The following BTBD9 variants were observed in gnomAD, a reference collection of about 807,000 sequenced individuals.
BTBD9 encodes the protein BTB/POZ domain-containing protein 9.
BTBD9 carries 49 observed loss-of-function variants against 64.3 expected under a neutral mutation model. The ratio of observed to expected loss-of-function variants is 0.76; its 90% CI spans 0.61 to 0.97. BTBD9 has a LOEUF of 0.97. Ranked by LOEUF, BTBD9 falls within the 50% of genes least tolerant of loss-of-function variation. The pLI, the probability that BTBD9 is intolerant of heterozygous loss-of-function variation, is 0.00. For synonymous variants in BTBD9, 260 were observed against 274.7 expected (o/e 0.95, Z 0.53); for missense variants, 598 against 762.1 (o/e 0.78, Z 2.53).
chr6:38,535,340 T>G (rs992015975), intron 6 of BTBD9, among the ~76,000 whole-genome samples: 11 of 152,110 alleles, frequency 7.2e-5, no homozygotes, highest in Admixed American at 3.3e-4. Context: ...AAAACATTGA[T>G]GCAAGAAATT....
rs1777032776 is a variant in BTBD9 at position 38,596,450 on chromosome 6, A to G, written c.185+1460T>C. ...TTTCAAATTATTTTTGAAAGAGGAC[A>G]AGGTACACTGTACTAATAAACAATA... On this transcript the variant is annotated intron_variant, in intron 2 of 10. Transcript: ENST00000481247. 2.0e-5 allele frequency among the ~76,000 whole-genome samples: 3 copies of G among 152,332 alleles called. No individual in the cohort carries two copies. The South Asian group carries it at 6.2e-4, about 32-fold the overall frequency.
intron 7 of BTBD9, among the ~76,000 whole-genome samples, chr6:38,290,018 A>C (rs1237784635): frequency 2.0e-5 from 3 of 152,034 alleles, no homozygotes; most frequent in African/African-American, 7.3e-5. Context: ...ATTGGAAAAG[A>C]AAAAAGTAAT....
At chr6:38,261,916 C>T (rs899284353) in intron 8 of BTBD9, among the ~76,000 whole-genome samples, 2 of 152,212 alleles carry the variant, frequency 1.3e-5, no homozygotes, top group Admixed American at 6.5e-5. Flanking sequence ...GGACTTCTAA[C>T]TCATGCCTAG....
chr6:38,237,971 C>G (rs899651310), intron 9 of BTBD9, among the ~76,000 whole-genome samples: 1 of 152,074 alleles, frequency 6.6e-6, no homozygotes, highest in African/African-American at 2.4e-5. Flanking sequence ...GTCCCTGTCT[C>G]TATTTAAAAA....
chr6:38,274,522 T>C lies in BTBD9; in HGVS notation c.1454+13750A>G, dbSNP rs551304592. 2.0e-5 allele frequency among the ~76,000 whole-genome samples: 3 copies of C among 152,322 alleles called. No individual in the cohort carries two copies. The South Asian group carries it at 6.2e-4, about 32-fold the overall frequency. Reference sequence around the variant, plus strand: ...TATGATATTGGCTGTGGGTTTGTCATAGATAGCTCTTATTATTTTGAGATG... The same window carrying C: ...TATGATATTGGCTGTGGGTTTGTCACAGATAGCTCTTATTATTTTGAGATG... On this transcript the variant is annotated intron_variant, in intron 8 of 10. Transcript: ENST00000481247.
intron 9 of BTBD9, among the ~76,000 whole-genome samples, chr6:38,201,702 A>T (rs558099014): frequency 6.6e-6 from 1 of 152,354 alleles, no homozygotes; most frequent in East Asian, 1.9e-4. Flanking sequence ...AAAGGATTCC[A>T]CCCAAAAACT....
chr6:38,584,455 A>G (rs1396208791), intron 4 of BTBD9, among the ~76,000 whole-genome samples: 2 of 152,238 alleles, frequency 1.3e-5, no homozygotes, highest in East Asian at 3.8e-4. Flanking sequence ...TATTAGAAGG[A>G]AAAATTAAGG....
intron 1 of BTBD9, among the ~76,000 whole-genome samples, chr6:38,600,402 C>A (rs1777199807): frequency 6.6e-6 from 1 of 152,200 alleles, no homozygotes; most frequent in Admixed American, 6.5e-5. Flanking sequence ...GTACCCTAGG[C>A]AAAGGATCAG....
At chr6:38,504,503 A>T in intron 6 of BTBD9, 1 of 456,574 alleles carries the variant, frequency 2.2e-6, no homozygotes, top group Admixed American at 2.3e-5. Flanking sequence ...CCTTTTGAGG[A>T]CTTTGCACTG....
chr6:38,509,753 A>T (rs932850504), intron 6 of BTBD9, among the ~76,000 whole-genome samples: 1 of 152,216 alleles, frequency 6.6e-6, no homozygotes, highest in African/African-American at 2.4e-5. Flanking sequence ...TATTTCCCTC[A>T]TTGCCCTGAA....
At chr6:38,406,676 G>A (rs899559210) in intron 6 of BTBD9, among the ~76,000 whole-genome samples, 25 of 152,172 alleles carry the variant, frequency 1.6e-4, no homozygotes, top group African/African-American at 4.8e-4. Flanking sequence ...TACAGGTATC[G>A]TGTCATCTGA....
At chr6:38,381,430 T>G (rs1474628574) in intron 6 of BTBD9, among the ~76,000 whole-genome samples, 1 of 152,156 alleles carries the variant, frequency 6.6e-6, no homozygotes. Flanking sequence ...TAAGTGCATA[T>G]GCAGCTAATA....
At chr6:38,317,775 CTAG>C (rs1763077172) in intron 7 of BTBD9, among the ~76,000 whole-genome samples, 2 of 152,048 alleles carry the variant, frequency 1.3e-5, no homozygotes, top group South Asian at 4.1e-4. Context: ...ATCAGTTCTG[CTAG>C]TAAGAGACTC....
intron 7 of BTBD9, among the ~76,000 whole-genome samples, chr6:38,305,815 A>C (rs1268422029): frequency 2.0e-5 from 3 of 152,104 alleles, no homozygotes; most frequent in African/African-American, 7.2e-5. Context: ...TTTATGCCCG[A>C]GGGGGAGAAA....
rs1766908023 is a variant in BTBD9 at position 38,174,298 on chromosome 6, G to A, written c.*687C>T. On this transcript the variant is annotated 3_prime_UTR_variant, in exon 11 of 11. Coordinates refer to ENST00000481247, the MANE Select transcript of BTBD9 (RefSeq NM_001099272.2). ...GTTGATTTGCTTGTGTGCATTTGTG[G>A]CACTTCCTCTGTGGCCCAAGTGCCA... 1.3e-5 allele frequency: 2 copies of A among 152,254 alleles called. No individual in the cohort carries two copies. The highest frequency in any genetic ancestry group is 1.3e-4 in the Admixed American group (2 of 15,282). 9.4% of individuals were successfully genotyped at this position (152,254 alleles called of 1,614,324 possible).
chr6:38,244,958 G>T (rs1764130772), intron 9 of BTBD9, among the ~76,000 whole-genome samples: 1 of 152,202 alleles, frequency 6.6e-6, no homozygotes, highest in Non-Finnish European at 1.5e-5. Context: ...GACAGCATCT[G>T]AGCTGGAATG....
chr6:38,190,018 C>G lies in BTBD9; in HGVS notation c.1641+2501G>C, dbSNP rs574556079. ...GTAGAGACAAGGTCTCACTATGTTTCCCATGTTGGTCTTGAACTCCTGGGC... is the reference window on the plus strand; with the variant it reads ...GTAGAGACAAGGTCTCACTATGTTTGCCATGTTGGTCTTGAACTCCTGGGC... On this transcript the variant is annotated intron_variant, in intron 10 of 10. Coordinates refer to ENST00000481247, the MANE Select transcript of BTBD9 (RefSeq NM_001099272.2). Among the ~76,000 whole-genome samples, 11 of 146,236 alleles carry G rather than the reference C, an allele frequency of 7.5e-5. No individual in the cohort carries two copies. The South Asian group carries it at 2.4e-3, about 32-fold the overall frequency.
chr6:38,413,270 G>A (rs759746446), intron 6 of BTBD9, among the ~76,000 whole-genome samples: 5 of 152,180 alleles, frequency 3.3e-5, no homozygotes, highest in Non-Finnish European at 5.9e-5. Context: ...GGTGGCATGC[G>A]AGCTGGATGA....
intron 7 of BTBD9, among the ~76,000 whole-genome samples, chr6:38,311,333 G>A (rs1007696715): frequency 6.6e-6 from 1 of 151,794 alleles, no homozygotes; most frequent in Non-Finnish European, 1.5e-5. Flanking sequence ...GCTCCCACAA[G>A]TAAGTGAGAG....
Sources: gnomAD v4.1 joint callset for allele counts (sites outside exome capture counted in the v4.1 genomes callset) on GRCh38, gnomAD v4.1.1 for gene constraint, MANE v1.5 for transcripts, NCBI Gene and HGNC (gene_info 2026-07-23, HGNC 2026-07-21) for gene names.